The following SUSD4 variants were observed in gnomAD, a reference collection of about 807,000 sequenced individuals.
SUSD4 encodes sushi domain-containing protein 4.
In SUSD4, 41 loss-of-function variants were observed where a neutral mutation model predicts 50.5. The ratio of observed to expected loss-of-function variants is 0.81; its 90% CI spans 0.63 to 1.05. SUSD4 has a LOEUF of 1.05. SUSD4 is among the 50% of genes least tolerant of loss of function. SUSD4 has a pLI of 0.00. For missense variants in SUSD4, 580 were observed against 634.7 expected, an observed-to-expected ratio of 0.91 and a Z score of 0.93; for synonymous variants, 257 against 257.3, an observed-to-expected ratio of 1.00 and a Z score of 0.01.
chr1:223,247,434 G>T (rs1214850369), intron 5 of SUSD4, among the ~76,000 whole-genome samples: 1 of 152,210 alleles, frequency 6.6e-6, no homozygotes, highest in Admixed American at 6.5e-5. Context: ...GTGGAGAAGA[G>T]GCACTGGCGG....
intron 5 of SUSD4, chr1:223,264,005 T>C: frequency 2.0e-6 from 2 of 985,454 alleles, no homozygotes; most frequent in Non-Finnish European, 2.4e-6. Context: ...TGAACCAGCA[T>C]GTCCAACTTG....
intron 5 of SUSD4, among the ~76,000 whole-genome samples, chr1:223,257,890 G>A (rs1661810559): frequency 6.6e-6 from 1 of 152,182 alleles, no homozygotes; most frequent in Admixed American, 6.5e-5. Context: ...GTGACACTGG[G>A]CCTCATCATG....
chr1:223,224,867 T>C (rs1457164315), intron 7 of SUSD4, among the ~76,000 whole-genome samples: 4 of 138,750 alleles, frequency 2.9e-5, no homozygotes, highest in African/African-American at 1.1e-4. Context: ...TCTTCCTTTT[T>C]TTTTTTTTTT....
intron 5 of SUSD4, among the ~76,000 whole-genome samples, chr1:223,238,806 T>C (rs1265670346): frequency 2.0e-5 from 3 of 152,012 alleles, no homozygotes; most frequent in African/African-American, 7.2e-5. Flanking sequence ...GAATGTGTTT[T>C]CTGCTGTTGT....
Position 223,264,659 on chromosome 1 carries a change from G to C in SUSD4, c.695C>G (p.Ser232Cys). 6.2e-7 allele frequency: 1 copy of C among 1,614,160 alleles called. No individual in the cohort carries two copies. Among genetic ancestry groups the C allele is most frequent in the Non-Finnish European group, 8.5e-7 (1 of 1,180,030 alleles). ...CAGAGCAAGGCACCGGGGTGGGCTG[G>C]ACGACCAGATAAGGTTTTGTAAGCA... ...LECLQNLIWS[S>C]SPPRCLALEV... Residue 232 changes from serine (S) to cysteine (C), a missense_variant, in exon 5 of 9, where the codon TCC becomes TGC. Physicochemically the swap from Ser to Cys is moderately radical, Grantham distance 112. Coordinates refer to ENST00000366878, the MANE Select transcript of SUSD4 (RefSeq NM_017982.4).
At chr1:223,349,723 T>C (rs1668251184) in intron 2 of SUSD4, among the ~76,000 whole-genome samples, 1 of 152,168 alleles carries the variant, frequency 6.6e-6, no homozygotes, top group Admixed American at 6.5e-5. Flanking sequence ...GCCACTTCCT[T>C]CAGAACTGAG....
At chr1:223,260,836 C>A (rs931486298) in intron 5 of SUSD4, among the ~76,000 whole-genome samples, 5 of 152,190 alleles carry the variant, frequency 3.3e-5, no homozygotes, top group Non-Finnish European at 5.9e-5. Flanking sequence ...GGTGAGGCTG[C>A]CAAAGCGTTT....
At chr1:223,344,852 G>A (rs1448183838) in intron 2 of SUSD4, among the ~76,000 whole-genome samples, 3 of 152,276 alleles carry the variant, frequency 2.0e-5, no homozygotes, top group South Asian at 4.2e-4. Context: ...CCTGAGTTCA[G>A]AACATTTAGC....
chr1:223,338,796 G>A (rs988368760), intron 2 of SUSD4, among the ~76,000 whole-genome samples: 1 of 152,244 alleles, frequency 6.6e-6, no homozygotes, highest in Non-Finnish European at 1.5e-5. Context: ...AACATGGAGG[G>A]AGAGGCAATC....
At chr1:223,321,513 C>T (rs1325749030) in intron 2 of SUSD4, among the ~76,000 whole-genome samples, 1 of 152,188 alleles carries the variant, frequency 6.6e-6, no homozygotes, top group Non-Finnish European at 1.5e-5. Context: ...CACCCAGTGC[C>T]CTTCATCTCT....
At chr1:223,310,605 G>A (rs181873691) in intron 2 of SUSD4, among the ~76,000 whole-genome samples, 1 of 152,260 alleles carries the variant, frequency 6.6e-6, no homozygotes, top group African/African-American at 2.4e-5. Context: ...GGAAAAAAAT[G>A]AAAACAAATA....
At chr1:223,318,707 T>C (rs921883333) in intron 2 of SUSD4, among the ~76,000 whole-genome samples, 22 of 151,664 alleles carry the variant, frequency 1.5e-4, no homozygotes, top group Non-Finnish European at 2.9e-4. Flanking sequence ...ATGGGGTTGT[T>C]TGTGAAAATG....
chr1:223,334,311 C>CA (rs377265750), intron 2 of SUSD4, among the ~76,000 whole-genome samples: 151 of 151,204 alleles, frequency 1.0e-3, no homozygotes, highest in African/African-American at 3.4e-3. Flanking sequence ...GAAAAGACAG[C>CA]AAAAAAGCAC....
At chr1:223,336,832 T>C (rs1032158596) in intron 2 of SUSD4, among the ~76,000 whole-genome samples, 2 of 152,102 alleles carry the variant, frequency 1.3e-5, no homozygotes, top group African/African-American at 4.8e-5. Flanking sequence ...ATCTGGCACA[T>C]TAGAGGTGTT....
At chr1:223,301,068 C>G (rs540605137) in intron 2 of SUSD4, among the ~76,000 whole-genome samples, 29 of 152,322 alleles carry the variant, frequency 1.9e-4, no homozygotes, top group Middle Eastern at 6.8e-3. Context: ...TTGCTGTTGT[C>G]TCTACTTAGC....
Position 223,353,863 on chromosome 1 carries a change from C to G in SUSD4, c.148+9415G>C, listed in dbSNP as rs959234189. 2.0e-5 allele frequency among the ~76,000 whole-genome samples: 3 copies of G among 152,080 alleles called. No homozygotes were observed. In the South Asian group the frequency reaches 6.2e-4, roughly 32 times the overall value. ...CAAAGCCACTCATGGCCACACTGACCCTGCTGTACTCTACTCCTCCTCTTA... is the reference window on the plus strand; with the variant it reads ...CAAAGCCACTCATGGCCACACTGACGCTGCTGTACTCTACTCCTCCTCTTA... On this transcript the variant is annotated intron_variant, in intron 2 of 8. Transcript: ENST00000366878.
intron 5 of SUSD4, among the ~76,000 whole-genome samples, chr1:223,233,559 C>T (rs991100112): frequency 3.3e-5 from 5 of 152,116 alleles, no homozygotes; most frequent in Non-Finnish European, 5.9e-5. Context: ...GACAGACAGA[C>T]GGATGGACAC....
rs905414722 is a variant in SUSD4, at chr1:223,254,402, T to C, written c.724+10228A>G. On this transcript the variant is annotated intron_variant, in intron 5 of 8. Coordinates refer to ENST00000366878, the MANE Select transcript of SUSD4 (RefSeq NM_017982.4). ...TTAAAAAAAAAGAGACAGATAATTA[T>C]AGGAGTCCAGGAGAGACAGAGGGTT... Among the ~76,000 whole-genome samples, 12 of 151,994 alleles carry C rather than the reference T, an allele frequency of 7.9e-5. No individual in the cohort carries two copies. In the South Asian group the frequency reaches 1.9e-3, roughly 24 times the overall value.
At chr1:223,257,870 A>T (rs1396476552) in intron 5 of SUSD4, among the ~76,000 whole-genome samples, 2 of 152,198 alleles carry the variant, frequency 1.3e-5, no homozygotes, top group Non-Finnish European at 2.9e-5. Context: ...GGTCTGGGGA[A>T]GTGACCGAGG....
Sources: allele counts gnomAD v4.1 joint callset (sites outside exome capture counted in the v4.1 genomes callset), GRCh38; gene constraint gnomAD v4.1.1; transcripts MANE v1.5; gene names NCBI Gene and HGNC (gene_info 2026-07-23, HGNC 2026-07-21).